The following KYNU variants were observed in gnomAD, a reference collection of about 807,000 sequenced individuals.
The protein encoded by KYNU is L-kynurenine hydrolase.
Under a neutral mutation model 59.2 loss-of-function variants are expected in KYNU, and 54 were observed. The ratio of observed to expected loss-of-function variants is 0.91; its 90% CI spans 0.73 to 1.14. The LOEUF is 1.14. KYNU is among the 50% of genes most tolerant of loss of function. The probability of loss-of-function intolerance (pLI) is 0.00; values close to 1 mark genes in which losing one functional copy is unlikely to be tolerated. For synonymous variants in KYNU, 177 were observed against 192.0 expected (o/e 0.92, Z 0.65); for missense variants, 567 against 554.4 (o/e 1.02, Z -0.23).
chr2:143,022,076 T>C (rs1339930880), intron 10 of KYNU, among the ~76,000 whole-genome samples: 2 of 152,190 alleles, frequency 1.3e-5, no homozygotes, highest in Non-Finnish European at 2.9e-5. Flanking sequence ...AGTACAGTAG[T>C]AATAATTTAC....
rs1687157207 is a variant in KYNU, at chr2:143,045,874, T to A, written c.*3702T>A. On this transcript the variant is annotated 3_prime_UTR_variant, in exon 14 of 14. Coordinates refer to ENST00000264170, the MANE Select transcript of KYNU (RefSeq NM_003937.3). The stretch of plus-strand genomic sequence containing the variant: ...AGTTCTCATGGAACAAGCAGCTTAG[T>A]AGGAGAAACATATGTTGAACTTGTA... 1 of 152,116 alleles carries A rather than the reference T, an allele frequency of 6.6e-6. No individual in the cohort carries two copies. Among genetic ancestry groups the A allele is most frequent in the Non-Finnish European group, 1.5e-5 (1 of 68,012 alleles). The allele number at this position is 152,116 out of a possible 1,614,324, so 9.4% of individuals were successfully genotyped here. A position where few individuals can be genotyped will look rare whatever the true frequency, so the allele number is the denominator to read the frequency against.
intron 8 of KYNU, among the ~76,000 whole-genome samples, chr2:142,967,813 A>G (rs191536000): frequency 1.3e-5 from 2 of 152,294 alleles, no homozygotes; most frequent in East Asian, 1.9e-4. Context: ...GTAATATTAT[A>G]ATAGAATAAT....
intron 10 of KYNU, among the ~76,000 whole-genome samples, chr2:143,028,047 C>G (rs1686625958): frequency 6.6e-6 from 1 of 151,858 alleles, no homozygotes. Context: ...AAAATAGTGT[C>G]TTGGAATTTT....
At chr2:142,883,149 T>G (rs913180216) in intron 1 of KYNU, among the ~76,000 whole-genome samples, 4 of 151,390 alleles carry the variant, frequency 2.6e-5, no homozygotes, top group Non-Finnish European at 5.9e-5. Flanking sequence ...CCCATTAAAC[T>G]TATAAAATTT....
chr2:143,033,096 G>A (rs2104917999), intron 11 of KYNU, 140 bp from the exon 12 acceptor site: 1 of 724,252 alleles, frequency 1.4e-6, no homozygotes, highest in Admixed American at 2.0e-5. Context: ...TAGTTCCATG[G>A]AGCTTATCTT....
intron 3 of KYNU, among the ~76,000 whole-genome samples, chr2:142,926,626 G>C (rs1375206563): frequency 6.6e-6 from 1 of 152,208 alleles, no homozygotes; most frequent in Non-Finnish European, 1.5e-5. Context: ...AATCACACCA[G>C]TGCGTAGATC....
At position 143,040,583 on chromosome 2, in the gene KYNU, GGGGT is replaced by G; in HGVS notation, c.1199_1202del (p.Gly400AlafsTer3). On this transcript the variant is annotated frameshift_variant, in exon 13 of 14. Coordinates refer to ENST00000264170, the MANE Select transcript of KYNU (RefSeq NM_003937.3). LOFTEE classifies it high-confidence loss of function. ...TTACTCCGTCTCATGTAGAGGAGCGGGGGTGCCAGCTAACAATAACATTTTCTGT... is the reference window on the plus strand; with the variant it reads ...TTACTCCGTCTCATGTAGAGGAGCGGGCCAGCTAACAATAACATTTTCTGT... 1 of 1,612,492 alleles carries G rather than the reference GGGGT, an allele frequency of 6.2e-7. No individual in the cohort carries two copies. The highest frequency in any genetic ancestry group is 8.5e-7 in the Non-Finnish European group (1 of 1,179,124).
chr2:142,898,442 G>T (rs565874677), intron 2 of KYNU, among the ~76,000 whole-genome samples: 3 of 147,066 alleles, frequency 2.0e-5, no homozygotes, highest in Non-Finnish European at 4.5e-5. Context: ...AATATGAAGG[G>T]TAGGAAGTTG....
chr2:142,944,669 C>CT (rs113445233), intron 4 of KYNU, among the ~76,000 whole-genome samples: 1 of 151,418 alleles, frequency 6.6e-6, no homozygotes, highest in South Asian at 2.1e-4. Flanking sequence ...CTTTGGTTAA[C>CT]TTTTAAAAAA....
At chr2:142,903,177 C>A (rs1327803517) in intron 2 of KYNU, among the ~76,000 whole-genome samples, 1 of 152,006 alleles carries the variant, frequency 6.6e-6, no homozygotes, top group East Asian at 1.9e-4. Context: ...AGGTCCTTAA[C>A]AATTTTTTGG....
intron 8 of KYNU, among the ~76,000 whole-genome samples, chr2:142,970,088 A>G (rs1279342954): frequency 1.3e-5 from 2 of 152,112 alleles, no homozygotes; most frequent in Non-Finnish European, 2.9e-5. Context: ...CTTTGGGCAG[A>G]AAAAAAATTC....
At chr2:142,935,674 T>A (rs980728941) in intron 4 of KYNU, among the ~76,000 whole-genome samples, 3 of 152,090 alleles carry the variant, frequency 2.0e-5, no homozygotes, top group Admixed American at 1.3e-4. Context: ...GAAGGGAACA[T>A]GAACTCTAGT....
chr2:143,006,347 T>A (rs973965570), intron 10 of KYNU, among the ~76,000 whole-genome samples: 2 of 151,686 alleles, frequency 1.3e-5, no homozygotes, highest in Non-Finnish European at 2.9e-5. Flanking sequence ...GCTTTTCTGA[T>A]TGACTTAAAA....
rs1014050314 is a variant in KYNU, at chr2:143,017,165, G to A, written c.903-12462G>A. Among the ~76,000 whole-genome samples, 8 of 150,042 alleles carry A rather than the reference G, an allele frequency of 5.3e-5. No homozygotes were observed. The South Asian group carries it at 1.1e-3, about 20-fold the overall frequency. Reference sequence around the variant, plus strand: ...CCAACCCACCATTAATGGGCACCTCGGCTGATTCCATGTCTGTGCTATTGT... The same window carrying A: ...CCAACCCACCATTAATGGGCACCTCAGCTGATTCCATGTCTGTGCTATTGT... On this transcript the variant is annotated intron_variant, in intron 10 of 13. Coordinates refer to ENST00000264170, the MANE Select transcript of KYNU (RefSeq NM_003937.3).
Position 142,986,088 on chromosome 2 carries a change from T to G in KYNU, c.902+67T>G, listed in dbSNP as rs1306696095. ...TAATTTGCATTAATAATATGTTAAA[T>G]TTACATGAGTTCCTTAAGATGCTAT... On this transcript the variant is annotated intron_variant, in intron 10 of 13. Coordinates refer to ENST00000264170, the MANE Select transcript of KYNU (RefSeq NM_003937.3). 11 of 1,055,872 alleles carry G rather than the reference T, an allele frequency of 1.0e-5. No individual in the cohort carries two copies. The Admixed American group carries it at 1.9e-4, about 18-fold the overall frequency. 65.4% of individuals were successfully genotyped at this position (1,055,872 alleles called of 1,614,324 possible).
At chr2:142,964,989 C>T (rs765873341) in intron 8 of KYNU, among the ~76,000 whole-genome samples, 2 of 152,104 alleles carry the variant, frequency 1.3e-5, no homozygotes, top group Admixed American at 6.6e-5. Context: ...TATTCTGTTA[C>T]TTGTTTCTAC....
Position 142,957,695 on chromosome 2 carries a change from C to T in KYNU, c.562C>T (p.Arg188Trp), listed in dbSNP as rs147103103. The change falls in exon 7 of 14, where the codon CGG (arginine) becomes TGG (tryptophan). Residue 188 changes from arginine (R) to tryptophan (W), a missense_variant. Coordinates refer to ENST00000264170, the MANE Select transcript of KYNU (RefSeq NM_003937.3). ...LHGLNIEESM[R>W]MIKPREGEET... ...CGGACTTAACATTGAAGAAAGTATG[C>T]GGATGATAAAGCCAAGAGAGGTATA... The T allele has an allele frequency of 4.4e-5, 70 of 1,600,038 alleles. No individual in the cohort carries two copies. The highest frequency in any genetic ancestry group is 2.0e-4 in the East Asian group (9 of 44,664).
At chr2:142,987,323 G>T (rs192786272) in intron 10 of KYNU, among the ~76,000 whole-genome samples, 5 of 151,798 alleles carry the variant, frequency 3.3e-5, no homozygotes, top group East Asian at 3.9e-4. Flanking sequence ...AGGTGGGGTG[G>T]GGGGGAAGAA....
rs533276111 is a variant in KYNU at position 143,013,457 on chromosome 2, A to G, written c.903-16170A>G. ...GGTGCTGATTTCATTTCCTTTGGGT[A>G]TATGTCCAGAGAAGGAATTGCTAGG... On this transcript the variant is annotated intron_variant, in intron 10 of 13. Coordinates refer to ENST00000264170, the MANE Select transcript of KYNU (RefSeq NM_003937.3). Among the ~76,000 whole-genome samples the G allele has an allele frequency of 5.3e-5, 8 of 152,286 alleles. No individual in the cohort carries two copies. In the South Asian group the frequency reaches 1.7e-3, roughly 32 times the overall value.
Sources: gnomAD v4.1 joint callset for allele counts (sites outside exome capture counted in the v4.1 genomes callset) on GRCh38, gnomAD v4.1.1 for gene constraint, MANE v1.5 for transcripts, NCBI Gene and HGNC (gene_info 2026-07-23, HGNC 2026-07-21) for gene names.